The following BICC1 variants were observed in gnomAD, a reference collection of about 807,000 sequenced individuals.
BICC1 encodes the protein protein bicaudal C homolog 1.
BICC1 carries 43 observed loss-of-function variants against 111.0 expected under a neutral mutation model. The ratio of observed to expected loss-of-function variants is 0.39; its 90% CI spans 0.30 to 0.50. BICC1 has a LOEUF of 0.50. Among genes scored for constraint, BICC1 ranks in the 20% least tolerant of loss-of-function variants. The pLI is 0.88. For synonymous variants in BICC1, 467 were observed against 434.4 expected, an observed-to-expected ratio of 1.07 and a Z score of -0.93; for missense variants, 1,091 against 1,203.2, an observed-to-expected ratio of 0.91 and a Z score of 1.38.
At chr10:58,812,418 G>A (rs1043336580) in intron 17 of BICC1, among the ~76,000 whole-genome samples, 3 of 151,946 alleles carry the variant, frequency 2.0e-5, no homozygotes, top group East Asian at 3.9e-4. Flanking sequence ...GATGCCTATC[G>A]GACAGGAAAA....
chr10:58,754,760 A>ATATG (rs1554828959), intron 3 of BICC1, among the ~76,000 whole-genome samples: 1 of 148,852 alleles, frequency 6.7e-6, no homozygotes, highest in East Asian at 2.0e-4. Flanking sequence ...GGGGGTGTGT[A>ATATG]TGTGTGTGTG....
At chr10:58,692,466 T>A (rs2132414028) in intron 2 of BICC1, among the ~76,000 whole-genome samples, 1 of 152,324 alleles carries the variant, frequency 6.6e-6, no homozygotes, top group South Asian at 2.1e-4. Context: ...CATTAATTGA[T>A]CTACAGCCTT....
chr10:58,623,372 A>C (rs1845886059), intron 2 of BICC1, among the ~76,000 whole-genome samples: 1 of 152,182 alleles, frequency 6.6e-6, no homozygotes, highest in African/African-American at 2.4e-5. Context: ...TGTTAAGCTT[A>C]TTATACACTT....
intron 3 of BICC1, among the ~76,000 whole-genome samples, chr10:58,737,175 G>GC (rs1841496587): frequency 6.6e-6 from 1 of 151,958 alleles, no homozygotes; most frequent in African/African-American, 2.4e-5. Context: ...ATACACATGT[G>GC]CCATGTTGGT....
At chr10:58,805,857 T>G (rs1362960842) in intron 15 of BICC1, among the ~76,000 whole-genome samples, 1 of 152,208 alleles carries the variant, frequency 6.6e-6, no homozygotes, top group Non-Finnish European at 1.5e-5. Context: ...AGATTTGAAA[T>G]GTAGCTGTAT....
chr10:58,799,398 A>T, intron 12 of BICC1, 146 bp downstream of exon 12: 1 of 532,470 alleles, frequency 1.9e-6, no homozygotes, highest in Non-Finnish European at 2.9e-6. Flanking sequence ...AAACATGTTT[A>T]AACTTTCACC....
At chr10:58,699,130 A>T (rs964315764) in intron 2 of BICC1, among the ~76,000 whole-genome samples, 1 of 152,210 alleles carries the variant, frequency 6.6e-6, no homozygotes, top group Non-Finnish European at 1.5e-5. Context: ...TGTTTTCTCT[A>T]AGAGGTTTGG....
At chr10:58,670,643 A>G (rs888509661) in intron 2 of BICC1, among the ~76,000 whole-genome samples, 1 of 152,210 alleles carries the variant, frequency 6.6e-6, no homozygotes, top group Admixed American at 6.5e-5. Flanking sequence ...TTACTGAAAT[A>G]AAGACTTGTG....
intron 3 of BICC1, among the ~76,000 whole-genome samples, chr10:58,780,649 G>A (rs1418999134): frequency 1.3e-5 from 2 of 152,128 alleles, no homozygotes; most frequent in Non-Finnish European, 2.9e-5. Flanking sequence ...GAAGGAAGAA[G>A]GAAGAGGCAG....
At chr10:58,809,146 C>T (rs1843814686) in intron 17 of BICC1, among the ~76,000 whole-genome samples, 1 of 152,088 alleles carries the variant, frequency 6.6e-6, no homozygotes, top group Admixed American at 6.6e-5. Context: ...CCTCAGCCTC[C>T]CAAGTAGATG....
chr10:58,679,310 G>C (rs1839441406), intron 2 of BICC1, among the ~76,000 whole-genome samples: 1 of 152,094 alleles, frequency 6.6e-6, no homozygotes, highest in Non-Finnish European at 1.5e-5. Flanking sequence ...AATAAGACAA[G>C]AGAGAAGAAT....
At chr10:58,627,752 G>A (rs570112284) in intron 2 of BICC1, among the ~76,000 whole-genome samples, 1 of 152,054 alleles carries the variant, frequency 6.6e-6, no homozygotes, top group African/African-American at 2.4e-5. Flanking sequence ...ATATCTTAGC[G>A]GGGGCATAGG....
chr10:58,585,605 C>T (rs1356950456), intron 1 of BICC1, among the ~76,000 whole-genome samples: 1 of 152,234 alleles, frequency 6.6e-6, no homozygotes, highest in East Asian at 1.9e-4. Flanking sequence ...ACCAGTGGAT[C>T]TCATTGTGCA....
At chr10:58,550,770 G>T (rs1170254081) in intron 1 of BICC1, among the ~76,000 whole-genome samples, 1 of 152,024 alleles carries the variant, frequency 6.6e-6, no homozygotes, top group African/African-American at 2.4e-5. Context: ...GATTTCTGGG[G>T]TCTGTGTCTT....
At chr10:58,556,810 A>C (rs1843460900) in intron 1 of BICC1, among the ~76,000 whole-genome samples, 1 of 152,068 alleles carries the variant, frequency 6.6e-6, no homozygotes, top group South Asian at 2.1e-4. Flanking sequence ...GTTTCTTCTC[A>C]GTCATATGAG....
chr10:58,696,262 A>T (rs1482565979), intron 2 of BICC1, among the ~76,000 whole-genome samples: 2 of 152,154 alleles, frequency 1.3e-5, no homozygotes, highest in Non-Finnish European at 2.9e-5. Flanking sequence ...TTAACTTCCA[A>T]AGCTGTTACA....
At chr10:58,528,352 G>C (rs1172868516) in intron 1 of BICC1, among the ~76,000 whole-genome samples, 1 of 151,808 alleles carries the variant, frequency 6.6e-6, no homozygotes, top group South Asian at 2.1e-4. Context: ...ATGAGGATAT[G>C]CAAAACTTAA....
At chr10:58,751,917 A>C (rs966157915) in intron 3 of BICC1, among the ~76,000 whole-genome samples, 5 of 152,234 alleles carry the variant, frequency 3.3e-5, no homozygotes, top group African/African-American at 1.2e-4. Flanking sequence ...TATAGGGTGC[A>C]TTTATTTTTT....
At chr10:58,776,926 G>A (rs765224899) in intron 3 of BICC1, among the ~76,000 whole-genome samples, 16 of 151,978 alleles carry the variant, frequency 1.1e-4, no homozygotes, top group African/African-American at 2.4e-4. Flanking sequence ...TCCACCCTCC[G>A]TGTTCCAAAG....
Sources: gnomAD v4.1 joint callset for allele counts (sites outside exome capture counted in the v4.1 genomes callset) on GRCh38, gnomAD v4.1.1 for gene constraint, MANE v1.5 for transcripts, NCBI Gene and HGNC (gene_info 2026-07-23, HGNC 2026-07-21) for gene names.